NKTR: variants seen among roughly 807,000 people sequenced by gnomAD.
The protein encoded by NKTR is natural killer cell triggering receptor, also known as NK-tumor recognition protein.
A neutral mutation model predicts 156.3 loss-of-function variants in NKTR; 67 were observed. That is an observed-to-expected ratio of 0.43 (90% CI 0.35 to 0.53). The LOEUF (loss-of-function observed/expected upper bound fraction) is 0.53. Ranked by LOEUF, NKTR falls within the 20% of genes least tolerant of loss-of-function variation. The pLI is 0.01. For missense variants in NKTR, 1,604 were observed against 1,730.9 expected, an observed-to-expected ratio of 0.93 and a Z score of 1.30; for synonymous variants, 640 against 596.6, an observed-to-expected ratio of 1.07 and a Z score of -1.06.
Position 42,645,906 on chromosome 3 carries a change from C to T in NKTR, c.4320C>T (p.Gly1440=). 6.2e-7 allele frequency: 1 copy of T among 1,612,052 alleles called. No individual in the cohort carries two copies. The highest frequency in any genetic ancestry group is 8.5e-7 in the Non-Finnish European group (1 of 1,178,610). Residue 1440 remains glycine, a synonymous_variant, in exon 17 of 17, where the codon GGC becomes GGT. Coordinates refer to ENST00000232978, the MANE Select transcript of NKTR (RefSeq NM_005385.4). The stretch of plus-strand genomic sequence containing the variant: ...ATTACAGGAGTTGTAGATCTTATGG[C>T]TCTGACAGTGAAAGTGACCGAAGTT... The part of the protein sequence containing the change: ...NRRSRSCRSY[G]SDSESDRSYS...
intron 13 of NKTR, among the ~76,000 whole-genome samples, chr3:42,640,691 C>T (rs764836674): frequency 1.3e-5 from 2 of 152,200 alleles, no homozygotes; most frequent in Non-Finnish European, 2.9e-5. Context: ...GTGCCTTCCC[C>T]TCCCCGCATC....
chr3:42,642,421 T>G (rs911552190), intron 13 of NKTR, 80 bp from the exon 14 acceptor site: 35 of 1,073,044 alleles, frequency 3.3e-5, no homozygotes, highest in Middle Eastern at 2.5e-4. Flanking sequence ...TGTTTTCCCC[T>G]TTCTGCCCTA....
chr3:42,637,234 T>C lies in NKTR; in HGVS notation c.1530T>C (p.Ser510=). 1.2e-6 allele frequency: 2 copies of C among 1,611,862 alleles called. No individual in the cohort carries two copies. Among genetic ancestry groups the C allele is most frequent in the South Asian group, 1.1e-5 (1 of 90,566 alleles). The change falls in exon 13 of 17, where the codon TCT becomes TCC. Residue 510 remains serine (S), a synonymous_variant. Transcript: ENST00000232978. ...WSKSDKDVQS[S]LTHSSRDSYR... is the part of the protein sequence containing the mutation. ...AATCTGATAAGGATGTCCAGAGCTC[T>C]TTAACCCATTCCAGCAGAGACTCAT...
chr3:42,632,086 T>TG (rs1708965517), intron 8 of NKTR, among the ~76,000 whole-genome samples: 2 of 111,870 alleles, frequency 1.8e-5, no homozygotes, highest in African/African-American at 3.9e-5. Flanking sequence ...TTTTTTTTTT[T>TG]GAGACAAGAG....
At chr3:42,615,204 G>A (rs777903871) in intron 2 of NKTR, among the ~76,000 whole-genome samples, 4 of 151,530 alleles carry the variant, frequency 2.6e-5, no homozygotes, top group Admixed American at 6.6e-5. Context: ...TCAGCCTCCC[G>A]AGTAGCTAGG....
intron 16 of NKTR, among the ~76,000 whole-genome samples, chr3:42,645,160 G>A (rs577556173): frequency 6.6e-6 from 1 of 150,990 alleles, no homozygotes; most frequent in East Asian, 2.0e-4. Flanking sequence ...CATTCCTTGA[G>A]TGAAACTATT....
rs771539849 is a variant in NKTR, at chr3:42,633,586, T to C, written c.780T>C (p.Ser260=). 6.2e-7 allele frequency: 1 copy of C among 1,613,084 alleles called. No individual in the cohort carries two copies. Among genetic ancestry groups the C allele is most frequent in the South Asian group, 1.1e-5 (1 of 91,016 alleles). ...TGACTTGGTTTGTTCTAAGTCACTC[T>C]GAGAGGAGTGATACCAATGAAAAAA... ...NKHAMNPKGH[S]ERSDTNEKRS... is the part of the protein sequence containing the mutation. Residue 260 remains serine (S), a synonymous_variant, in exon 10 of 17, where the codon TCT becomes TCC. Coordinates refer to ENST00000232978, the MANE Select transcript of NKTR (RefSeq NM_005385.4).
At chr3:42,620,295 T>C in intron 5 of NKTR, 2 of 1,215,144 alleles carry the variant, frequency 1.6e-6, no homozygotes, top group Non-Finnish European at 2.0e-6. Context: ...TTTCTTTGAA[T>C]AAAAGTTGAA....
At chr3:42,619,835 ATACT>A in intron 5 of NKTR, 127 bp downstream of exon 5, 1 of 1,489,124 alleles carries the variant, frequency 6.7e-7, no homozygotes, top group Non-Finnish European at 8.9e-7. Flanking sequence ...CTGCATGAAA[ATACT>A]TTATTTGCAT....
rs923957289 is a variant in NKTR at position 42,629,794 on chromosome 3, T to C, written c.375-752T>C. 2.0e-5 allele frequency: 20 copies of C among 985,326 alleles called. No individual in the cohort carries two copies. In the South Asian group the frequency reaches 2.3e-4, roughly 12 times the overall value. The allele number at this position is 985,326 out of a possible 1,614,324, so 61.0% of individuals were successfully genotyped here. A position where few individuals can be genotyped will look rare whatever the true frequency, so the allele number is the denominator to read the frequency against. On this transcript the variant is annotated intron_variant, in intron 6 of 16. Transcript: ENST00000232978. ...GGGTTCAAAATATCTTAACCAAATA[T>C]ACCCTGTAGGCTTCCCAAGAGTGAC...
rs982189677 is a variant in NKTR at position 42,627,775 on chromosome 3, A to G, written c.375-2771A>G. ...TTTTTTCTTTTTTAGGTATGTTTTC[A>G]TAAGCATATATAAATTTAAACATTT... On this transcript the variant is annotated intron_variant, in intron 6 of 16. Coordinates refer to ENST00000232978, the MANE Select transcript of NKTR (RefSeq NM_005385.4). The G allele has an allele frequency of 5.1e-6, 5 of 983,032 alleles. No individual in the cohort carries two copies. In the South Asian group the frequency reaches 1.4e-4, roughly 28 times the overall value. The allele number at this position is 983,032 out of a possible 1,614,324, so 60.9% of individuals were successfully genotyped here.
intron 8 of NKTR, among the ~76,000 whole-genome samples, chr3:42,632,169 A>G (rs1279259758): frequency 1.4e-5 from 2 of 143,952 alleles, no homozygotes; most frequent in Non-Finnish European, 3.0e-5. Context: ...TCCTGGGTTC[A>G]GGTGATTCTC....
rs1429936598 is a variant in NKTR at position 42,634,637 on chromosome 3, T to C, written c.954T>C (p.Ile318=). ...PEPKIPDVAP[I]VSDQKPSVSK... is the part of the protein sequence containing the mutation. ...GGAAGATTCCTGATGTTGCACCCAT[T>C]GTAAGTGATCAGAAACCATCTGTAT... The change falls in exon 11 of 17, where the codon ATT becomes ATC. Residue 318 remains isoleucine (I), a synonymous_variant. Coordinates refer to ENST00000232978, the MANE Select transcript of NKTR (RefSeq NM_005385.4). 9.4e-6 allele frequency: 15 copies of C among 1,598,752 alleles called. No homozygotes were observed. The South Asian group carries it at 1.0e-4, about 11-fold the overall frequency.
intron 11 of NKTR, 40 bp from the exon 12 acceptor site, chr3:42,635,181 A>G (rs1577553176): frequency 1.3e-6 from 2 of 1,572,954 alleles, no homozygotes; most frequent in East Asian, 2.3e-5. Context: ...ACTGTCGTGG[A>G]GAGGCATTTT....
intron 16 of NKTR, among the ~76,000 whole-genome samples, chr3:42,644,237 T>C (rs994763018): frequency 1.3e-5 from 2 of 152,216 alleles, no homozygotes; most frequent in Non-Finnish European, 2.9e-5. Flanking sequence ...TAAAATGGGT[T>C]TCTAAATATT....
chr3:42,621,045 T>C, intron 5 of NKTR: 5 of 981,788 alleles, frequency 5.1e-6, no homozygotes, highest in Non-Finnish European at 6.1e-6. Context: ...ACTTCTTCCA[T>C]GTATAGCACA....
At chr3:42,602,714 TA>T (rs1705663897) in intron 2 of NKTR, 2 of 151,778 alleles carry the variant, frequency 1.3e-5, no homozygotes, top group African/African-American at 4.8e-5. Flanking sequence ...ATGCTTTAGA[TA>T]ACAGGGTTAT....
intron 2 of NKTR, among the ~76,000 whole-genome samples, chr3:42,615,239 TG>T (rs1467218391): frequency 6.6e-6 from 1 of 151,954 alleles, no homozygotes; most frequent in African/African-American, 2.4e-5. Context: ...CCACCACACC[TG>T]GCTAATTTTT....
intron 7 of NKTR, 199 bp from the exon 8 acceptor site, chr3:42,630,972 C>T: frequency 7.1e-7 from 1 of 1,409,352 alleles, no homozygotes; most frequent in Non-Finnish European, 9.2e-7. Flanking sequence ...AGGCAGAAAA[C>T]TGAGGCCCAG....
Sources: gnomAD v4.1 joint callset for allele counts (sites outside exome capture counted in the v4.1 genomes callset) on GRCh38, gnomAD v4.1.1 for gene constraint, MANE v1.5 for transcripts, NCBI Gene and HGNC (gene_info 2026-07-23, HGNC 2026-07-21) for gene names.